Variants in PROM1 observed in about 807,000 individuals in gnomAD.
PROM1 encodes prominin 1, also known as prominin-1.
A neutral mutation model predicts 116.9 loss-of-function variants in PROM1; 105 were observed. The observed-to-expected ratio is 0.90, with a 90% CI of 0.77 to 1.06. The LOEUF (loss-of-function observed/expected upper bound fraction) is 1.06. PROM1 is among the 50% of genes least tolerant of loss of function. The pLI, the probability that PROM1 is intolerant of heterozygous loss-of-function variation, is 0.00. For missense variants in PROM1, 1,122 were observed against 1,045.2 expected (o/e 1.07, Z -1.01); for synonymous variants, 393 against 387.0 (o/e 1.02, Z -0.18).
At chr4:15,976,171 A>T in intron 26 of PROM1, 1 of 455,764 alleles carries the variant, frequency 2.2e-6, no homozygotes, top group Non-Finnish European at 4.4e-6. Context: ...GAACAATGGC[A>T]TTTAATCTAG....
At chr4:16,017,439 C>T (rs1017434846) in intron 9 of PROM1, among the ~76,000 whole-genome samples, 1 of 152,202 alleles carries the variant, frequency 6.6e-6, no homozygotes, top group African/African-American at 2.4e-5. Flanking sequence ...TATCCAGACA[C>T]AGATGTCGCA....
intron 8 of PROM1, among the ~76,000 whole-genome samples, chr4:16,020,226 C>A (rs1302172351): frequency 6.6e-6 from 1 of 152,192 alleles, no homozygotes; most frequent in Non-Finnish European, 1.5e-5. Flanking sequence ...TCCTTGGTCT[C>A]AAATTTCTAT....
intron 2 of PROM1, among the ~76,000 whole-genome samples, chr4:16,057,550 C>T (rs1013298430): frequency 1.3e-5 from 2 of 152,220 alleles, no homozygotes; most frequent in African/African-American, 4.8e-5. Flanking sequence ...GCTTCTTCAA[C>T]AGAATCTTTG....
intron 7 of PROM1, among the ~76,000 whole-genome samples, chr4:16,023,984 C>A (rs1306519406): frequency 2.0e-5 from 3 of 152,226 alleles, no homozygotes; most frequent in Non-Finnish European, 4.4e-5. Flanking sequence ...CTGTGCAGGG[C>A]ACCTGGCAGG....
chr4:16,041,769 AATAAATAAATAAATAAAT>A (rs1316400345), intron 2 of PROM1, among the ~76,000 whole-genome samples: 5 of 40,134 alleles, frequency 1.2e-4, no homozygotes, highest in South Asian at 7.8e-4. Flanking sequence ...TAAATAAATA[AATAAATAAATAAATAAAT>A]ATATATATAT....
At position 15,971,266 on chromosome 4, in the gene PROM1, GC is replaced by G. The variant is rs1442524694; in HGVS notation, c.2583-185del. 3 of 554,110 alleles carry G rather than the reference GC, an allele frequency of 5.4e-6. No individual in the cohort carries two copies. In the East Asian group the frequency reaches 8.4e-5, roughly 16 times the overall value. 34.3% of individuals were successfully genotyped at this position (554,110 alleles called of 1,614,324 possible). On this transcript the variant is annotated intron_variant, in intron 26 of 27. Transcript: ENST00000447510. ...GGTTACTCTAGCTTCTGTTTGTATT[GC>G]TTTTAAAAACAGCATAGAAGATAAA... is the stretch of plus-strand genomic sequence containing the variant.
chr4:16,041,785 A>AATATATATATATAT (rs200674323), intron 2 of PROM1, among the ~76,000 whole-genome samples: 1 of 37,620 alleles, frequency 2.7e-5, no homozygotes, highest in African/African-American at 7.7e-5. Context: ...TAAATAAATA[A>AATATATATATATAT]ATATATATAT....
chr4:16,037,651 G>A (rs191386952), intron 3 of PROM1, among the ~76,000 whole-genome samples: 346 of 152,234 alleles, frequency 2.3e-3, no homozygotes, highest in Non-Finnish European at 3.5e-3. Flanking sequence ...CCCGATAACC[G>A]CCTTCAAACC....
At position 15,992,329 on chromosome 4, in the gene PROM1, C is replaced by T; in HGVS notation, c.1830G>A (p.Leu610=). ...SLKVNLNIFL[L]GAAGRKNLQD... ...GAAGGTTTTTTCTTCCTGCTGCACC[C>T]AACAGAAAGATATTAAGATTTACCT... is the stretch of plus-strand genomic sequence containing the variant. The change falls in exon 17 of 28, where the codon TTG becomes TTA. Residue 610 remains leucine (L), a synonymous_variant. Transcript: ENST00000447510. 6.2e-7 allele frequency: 1 copy of T among 1,613,868 alleles called. No homozygotes were observed. The highest frequency in any genetic ancestry group is 8.5e-7 in the Non-Finnish European group (1 of 1,179,824).
In PROM1 at chr4:16,000,481, G is replaced by T. The variant is rs754582925; in HGVS notation, c.1578+15C>A. ...TGTTCAAGTCCTTTCATAATGGGTA[G>T]AAAATCATATTTACCCGGAATAATT... is the stretch of plus-strand genomic sequence containing the variant. On this transcript the variant is annotated intron_variant, in intron 14 of 27. Coordinates refer to ENST00000447510, the MANE Select transcript of PROM1 (RefSeq NM_006017.3). The T allele has an allele frequency of 3.2e-6, 5 of 1,567,842 alleles. No individual in the cohort carries two copies. The highest frequency in any genetic ancestry group is 8.7e-7 in the Non-Finnish European group (1 of 1,145,206).
chr4:16,010,676 A>T (rs1726679579), intron 11 of PROM1, among the ~76,000 whole-genome samples: 1 of 151,570 alleles, frequency 6.6e-6, no homozygotes, highest in South Asian at 2.1e-4. Context: ...CTAATTTTTT[A>T]TGATTTTACT....
chr4:15,985,298 G>C (rs1489280516), intron 22 of PROM1, among the ~76,000 whole-genome samples: 1 of 152,166 alleles, frequency 6.6e-6, no homozygotes, highest in Non-Finnish European at 1.5e-5. Flanking sequence ...TTTGGTATCT[G>C]CAGGGGACTC....
chr4:16,070,023 G>C (rs1475186792), intron 2 of PROM1, among the ~76,000 whole-genome samples: 1 of 152,178 alleles, frequency 6.6e-6, no homozygotes, highest in African/African-American at 2.4e-5. Flanking sequence ...TATAAGAGTA[G>C]GTCGCAAGTC....
intron 26 of PROM1, among the ~76,000 whole-genome samples, chr4:15,975,942 C>T (rs1716003245): frequency 6.6e-6 from 1 of 152,204 alleles, no homozygotes; most frequent in South Asian, 2.1e-4. Flanking sequence ...TCAACCCACC[C>T]TTGGAGTTCT....
chr4:16,058,508 G>A (rs1488371522), intron 2 of PROM1, among the ~76,000 whole-genome samples: 4 of 152,136 alleles, frequency 2.6e-5, no homozygotes, highest in East Asian at 1.9e-4. Context: ...TTAGCCAGGC[G>A]TGGTGATGCA....
Position 15,992,268 on chromosome 4 carries a change from AATTC to A in PROM1, c.1887_1890del (p.Met629IlefsTer16), listed in dbSNP as rs1459317703. On this transcript the variant is annotated frameshift_variant, in exon 17 of 28. Coordinates refer to ENST00000447510, the MANE Select transcript of PROM1 (RefSeq NM_006017.3). LOFTEE classifies it high-confidence loss of function. ...CATACCTGAGCCAAGTAGCTGTCAT[AATTC>A]ATTCTGTCTATTCCACAAGCAGCAA... The A allele has an allele frequency of 1.9e-6, 3 of 1,613,844 alleles. No homozygotes were observed. Among genetic ancestry groups the A allele is most frequent in the Non-Finnish European group, 2.5e-6 (3 of 1,179,876 alleles).
rs1724213581 is a variant in PROM1, at chr4:16,002,828, T to C, written c.1455-2209A>G. Reference sequence around the variant, plus strand: ...ATCTCCAGCCTTTATTTTCTAAATATGCACATTCCTAGATCAGGGGTAGGG... The same window carrying C: ...ATCTCCAGCCTTTATTTTCTAAATACGCACATTCCTAGATCAGGGGTAGGG... On this transcript the variant is annotated intron_variant, in intron 13 of 27. Coordinates refer to ENST00000447510, the MANE Select transcript of PROM1 (RefSeq NM_006017.3). Among the ~76,000 whole-genome samples the C allele has an allele frequency of 2.0e-5, 3 of 152,202 alleles. No individual in the cohort carries two copies. The South Asian group carries it at 6.2e-4, about 31-fold the overall frequency.
intron 26 of PROM1, among the ~76,000 whole-genome samples, chr4:15,973,371 C>T (rs1242559216): frequency 6.6e-6 from 1 of 152,130 alleles, no homozygotes; most frequent in Non-Finnish European, 1.5e-5. Flanking sequence ...CGCTTGAACC[C>T]AGGAGGTGGA....
intron 2 of PROM1, among the ~76,000 whole-genome samples, chr4:16,060,242 G>C (rs532729717): frequency 2.0e-5 from 3 of 152,036 alleles, no homozygotes; most frequent in South Asian, 4.2e-4. Context: ...AGAAACGCAT[G>C]ACTAGAATTA....
Sources: allele counts gnomAD v4.1 joint callset (sites outside exome capture counted in the v4.1 genomes callset), GRCh38; gene constraint gnomAD v4.1.1; transcripts MANE v1.5; gene names NCBI Gene and HGNC (gene_info 2026-07-23, HGNC 2026-07-21).